Variants in KDM2B observed in about 807,000 individuals in gnomAD.
KDM2B encodes the protein lysine-specific demethylase 2B.
A neutral mutation model predicts 150.0 loss-of-function variants in KDM2B; 26 were observed. The ratio of observed to expected loss-of-function variants is 0.17; its 90% CI spans 0.13 to 0.24. The LOEUF (loss-of-function observed/expected upper bound fraction) is 0.24, where lower values mean the gene tolerates loss of function less well. KDM2B is among the 10% of genes least tolerant of loss of function. The probability of loss-of-function intolerance (pLI) is 1.00; values close to 1 mark genes in which losing one functional copy is unlikely to be tolerated. For synonymous variants in KDM2B, 734 were observed against 729.5 expected, an observed-to-expected ratio of 1.01 and a Z score of -0.10; for missense variants, 1,265 against 1,816.9, an observed-to-expected ratio of 0.70 and a Z score of 5.52.
At position 121,468,616 on chromosome 12, in the gene KDM2B, A is replaced by G. The variant is rs1198136958; in HGVS notation, c.1735-15272T>C. ...ATGAAATCAGGTGATCAGCTCTGCA[A>G]TGGCCATCTGTTAGTCACGTCCAGG... On this transcript the variant is annotated intron_variant, in intron 12 of 22. Coordinates refer to ENST00000377071, the MANE Select transcript of KDM2B (RefSeq NM_032590.5). The surrounding 1 kb of genome is among the most constrained non-coding windows in gnomAD (Gnocchi z 4.0). 6.6e-6 allele frequency: 1 copy of G among 152,268 alleles called. No individual in the cohort carries two copies. The highest frequency in any genetic ancestry group is 6.5e-5 in the Admixed American group (1 of 15,284). 9.4% of individuals were successfully genotyped at this position (152,268 alleles called of 1,614,324 possible). A position where few individuals can be genotyped will look rare whatever the true frequency, so the allele number is the denominator to read the frequency against.
the KDM2B span, among the ~76,000 whole-genome samples, chr12:121,418,955 C>T: frequency 6.6e-6 from 1 of 152,130 alleles, no homozygotes. Flanking sequence ...TATCTACCTG[C>T]CTTGGCCTAA....
At chr12:121,410,704 T>C in the KDM2B span, among the ~76,000 whole-genome samples, 1 of 152,176 alleles carries the variant, frequency 6.6e-6, no homozygotes, top group Non-Finnish European at 1.5e-5. Context: ...CCCTTCAATA[T>C]GATGCTAAGG....
At chr12:121,569,277 C>CT (rs2136417901) in intron 4 of KDM2B, among the ~76,000 whole-genome samples, 1 of 152,356 alleles carries the variant, frequency 6.6e-6, no homozygotes, top group African/African-American at 2.4e-5. Context: ...TGTGCTAAGA[C>CT]TGTCAGAGCC....
chr12:121,411,096 G>A, the KDM2B span, among the ~76,000 whole-genome samples: 3 of 152,024 alleles, frequency 2.0e-5, no homozygotes, highest in Non-Finnish European at 4.4e-5. Flanking sequence ...ACCACACCTG[G>A]CTAATTTTAT....
chr12:121,442,674 C>G lies in KDM2B; in HGVS notation c.2767G>C (p.Gly923Arg), dbSNP rs781873688. 6 of 1,605,754 alleles carry G rather than the reference C, an allele frequency of 3.7e-6. No homozygotes were observed. The East Asian group carries it at 1.3e-4, about 36-fold the overall frequency. Residue 923 changes from glycine (G) to arginine (R), a missense_variant, in exon 19 of 23, where the codon GGG (glycine) becomes CGG (arginine). Gly to Arg is a moderately radical substitution (Grantham distance 125, BLOSUM62 -2). Around this residue, in one of 11 missense-constraint regions of KDM2B, gnomAD observed 418 missense variants for 402.4 expected, o/e 1.04. Transcript: ENST00000377071. The surrounding 1 kb of genome is among the most constrained non-coding windows in gnomAD (Gnocchi z 7.7). ...SSPTAGPSTE[G>R]AEGPEEKKKV... ...TTCTTCTCCTCCGGGCCCTCGGCCC[C>G]TTCGGTGCTGGGTCCCGCGGTGGGG...
intron 12 of KDM2B, among the ~76,000 whole-genome samples, chr12:121,487,570 C>T (rs1882898828): frequency 6.6e-6 from 1 of 152,182 alleles, no homozygotes; most frequent in African/African-American, 2.4e-5. Flanking sequence ...GGGAGCTGCT[C>T]TCCCACAAGC....
rs375593995 is a variant in KDM2B at position 121,534,625 on chromosome 12, C to A, written c.684-35G>T. On this transcript the variant is annotated intron_variant, in intron 6 of 22. Transcript: ENST00000377071. The stretch of plus-strand genomic sequence containing the variant: ...AGAGGCAGGGAGACAGAACACAAGT[C>A]AAGATCTAAATCACAAGACGTAAGC... The A allele has an allele frequency of 1.3e-4, 192 of 1,513,246 alleles. No homozygotes were observed. In the Middle Eastern group the frequency reaches 1.4e-3, roughly 11 times the overall value. 93.7% of individuals were successfully genotyped at this position (1,513,246 alleles called of 1,614,324 possible).
chr12:121,426,438 AC>A (rs1372576895), downstream of KDM2B, among the ~76,000 whole-genome samples: 1 of 110,480 alleles, frequency 9.1e-6, no homozygotes, highest in Non-Finnish European at 1.8e-5. Context: ...ATGCCTTTCT[AC>A]CCCCTCCCCC....
At position 121,429,649 on chromosome 12, in the gene KDM2B, A is replaced by G. The variant is rs1473772286; in HGVS notation, c.*639T>C. On this transcript the variant is annotated 3_prime_UTR_variant, in exon 23 of 23. Transcript: ENST00000377071. The stretch of plus-strand genomic sequence containing the variant: ...GCTTTTAAGTGGAAGGTCTTAGCCT[A>G]CTTTGTTAGATCTGGGCACATTTGT... The G allele has an allele frequency of 3.2e-5, 8 of 250,490 alleles. No homozygotes were observed. The East Asian group carries it at 4.0e-4, about 13-fold the overall frequency. The allele number at this position is 250,490 out of a possible 1,614,324, so 15.5% of individuals were successfully genotyped here.
intron 4 of KDM2B, among the ~76,000 whole-genome samples, chr12:121,555,917 TG>T (rs1208088342): frequency 6.6e-5 from 10 of 152,002 alleles, no homozygotes; most frequent in East Asian, 5.8e-4. Flanking sequence ...GTTTTTGTTT[TG>T]TTTTTTTTGT....
intron 12 of KDM2B, among the ~76,000 whole-genome samples, chr12:121,488,568 C>T (rs1414219470): frequency 2.6e-5 from 4 of 152,110 alleles, no homozygotes; most frequent in East Asian, 1.9e-4. Flanking sequence ...AAAATGCATC[C>T]GAGTAGTGCA....
rs115659118 is a variant in KDM2B at position 121,578,990 on chromosome 12, G to C, written c.127-44C>G. 1,853 of 1,583,844 alleles carry C rather than the reference G, an allele frequency of 1.2e-3. 19 individuals carry two copies. In the African/African-American group the frequency reaches 0.022, roughly 18 times the overall value. Reference sequence around the variant, plus strand: ...GAGAGCCCGGGACATTATTGTGGGGGCTGGAGGTCGCCTCTCAACCTGGGC... The same window carrying C: ...GAGAGCCCGGGACATTATTGTGGGGCCTGGAGGTCGCCTCTCAACCTGGGC... On this transcript the variant is annotated intron_variant, in intron 1 of 22. Transcript: ENST00000377071.
chr12:121,498,096 A>AAAATAAAT (rs547947681), intron 11 of KDM2B, among the ~76,000 whole-genome samples: 2 of 152,040 alleles, frequency 1.3e-5, no homozygotes, highest in African/African-American at 2.4e-5. Context: ...ACTTTGTCTC[A>AAAATAAAT]AAATAAATAA....
chr12:121,578,115 C>A (rs1346702364), intron 2 of KDM2B, among the ~76,000 whole-genome samples: 1 of 152,198 alleles, frequency 6.6e-6, no homozygotes, highest in Non-Finnish European at 1.5e-5. Flanking sequence ...CCCCAGAAGC[C>A]TGAAGGGAAG....
At chr12:121,432,645 G>A (rs1290119949) in intron 22 of KDM2B, among the ~76,000 whole-genome samples, 1 of 152,126 alleles carries the variant, frequency 6.6e-6, no homozygotes, top group Non-Finnish European at 1.5e-5. Flanking sequence ...TATCCCAGAG[G>A]CTTGCTTAGA....
chr12:121,417,451 T>C, the KDM2B span: 1 of 1,484,336 alleles, frequency 6.7e-7, no homozygotes, highest in African/African-American at 1.4e-5. The surrounding 1 kb of genome is among the most constrained non-coding windows in gnomAD (Gnocchi z 5.0). Context: ...AGAAAACTCA[T>C]GCTTTCATAA....
At chr12:121,526,754 G>A (rs929255025) in intron 8 of KDM2B, among the ~76,000 whole-genome samples, 11 of 151,916 alleles carry the variant, frequency 7.2e-5, no homozygotes, top group Non-Finnish European at 1.3e-4. Context: ...TTTTTTAGCC[G>A]GGCACAGTGG....
chr12:121,502,834 C>A (rs1884706346), intron 11 of KDM2B, among the ~76,000 whole-genome samples: 1 of 151,038 alleles, frequency 6.6e-6, no homozygotes, highest in South Asian at 2.1e-4. Context: ...TCCCAGCTAC[C>A]TCGATCACCT....
intron 4 of KDM2B, among the ~76,000 whole-genome samples, chr12:121,572,461 C>T (rs964160285): frequency 2.6e-5 from 4 of 152,184 alleles, no homozygotes; most frequent in African/African-American, 9.7e-5. Flanking sequence ...CCCTTGTGCC[C>T]TTGCTCTTCC....
Sources: gnomAD v4.1 joint callset for allele counts (sites outside exome capture counted in the v4.1 genomes callset) on GRCh38, gnomAD v4.1.1 for gene constraint, gnomAD v4.1.1 regional missense constraint, Gnocchi (gnomAD v3.1) non-coding constraint, MANE v1.5 for transcripts, NCBI Gene and HGNC (gene_info 2026-07-23, HGNC 2026-07-21) for gene names.